The following TMEM63C variants were observed in gnomAD, a reference collection of about 807,000 sequenced individuals.
The protein encoded by TMEM63C is transmembrane protein 63C.
Under a neutral mutation model 99.2 loss-of-function variants are expected in TMEM63C, and 32 were observed. That is an observed-to-expected ratio of 0.32 (90% CI 0.24 to 0.43). TMEM63C has a LOEUF of 0.43. Ranked by LOEUF, TMEM63C falls within the 20% of genes least tolerant of loss-of-function variation. TMEM63C has a pLI of 1.00. For missense variants in TMEM63C, 826 were observed against 1,053.0 expected, an observed-to-expected ratio of 0.78 and a Z score of 2.98; for synonymous variants, 376 against 397.9, an observed-to-expected ratio of 0.94 and a Z score of 0.66.
At chr14:77,214,253 G>T (rs1349463985) in intron 2 of TMEM63C, among the ~76,000 whole-genome samples, 1 of 152,114 alleles carries the variant, frequency 6.6e-6, no homozygotes, top group Non-Finnish European at 1.5e-5. Flanking sequence ...GGTACTAATG[G>T]CTGTTGCCAT....
At chr14:77,226,957 G>A (rs868149104) in intron 6 of TMEM63C, among the ~76,000 whole-genome samples, 50 of 151,946 alleles carry the variant, frequency 3.3e-4, no homozygotes, top group South Asian at 2.1e-4. Context: ...TAGTAGAGAC[G>A]GGGTTTCACC....
intron 1 of TMEM63C, among the ~76,000 whole-genome samples, chr14:77,182,123 C>T (rs542172225): frequency 6.6e-6 from 1 of 152,096 alleles, no homozygotes; most frequent in Non-Finnish European, 1.5e-5. Context: ...AGCCGCCCAC[C>T]CGGGAGGGCG....
At chr14:77,220,747 C>A (rs978595995) in intron 5 of TMEM63C, among the ~76,000 whole-genome samples, 2 of 151,900 alleles carry the variant, frequency 1.3e-5, no homozygotes, top group African/African-American at 4.8e-5. Context: ...GACATTTCGG[C>A]GGGGCCCTGA....
At chr14:77,214,503 G>T (rs1888547654) in intron 2 of TMEM63C, among the ~76,000 whole-genome samples, 1 of 151,936 alleles carries the variant, frequency 6.6e-6, no homozygotes, top group Non-Finnish European at 1.5e-5. Context: ...CACTGGCCTG[G>T]GGATGGAGAC....
intron 18 of TMEM63C, among the ~76,000 whole-genome samples, 186 bp downstream of exon 18, chr14:77,246,860 C>T (rs1889277072): frequency 1.3e-5 from 2 of 152,188 alleles, no homozygotes; most frequent in African/African-American, 4.8e-5. Flanking sequence ...TAGTTAAGCC[C>T]AGGGACCCCT....
chr14:77,219,966 C>T (rs2140109297), intron 4 of TMEM63C, 40 bp from the exon 5 acceptor site: 1 of 1,543,768 alleles, frequency 6.5e-7, no homozygotes, highest in African/African-American at 1.4e-5. Flanking sequence ...GAGAACTTTT[C>T]TCTCCTTTCT....
At chr14:77,223,226 C>CA (rs1416278891) in intron 5 of TMEM63C, among the ~76,000 whole-genome samples, 2 of 151,652 alleles carry the variant, frequency 1.3e-5, no homozygotes, top group African/African-American at 4.8e-5. Context: ...GTTACAATGA[C>CA]AAAAAAAGTT....
At chr14:77,218,992 C>G (rs1828608717) in intron 3 of TMEM63C, 29 bp downstream of exon 3, 1 of 1,513,088 alleles carries the variant, frequency 6.6e-7, no homozygotes, top group Non-Finnish European at 8.8e-7. Context: ...AGGAGGCAGA[C>G]AGTAAAGCCT....
intron 6 of TMEM63C, among the ~76,000 whole-genome samples, chr14:77,225,853 G>A (rs377244719): frequency 3.6e-4 from 54 of 152,014 alleles, no homozygotes; most frequent in African/African-American, 1.2e-3. Flanking sequence ...AGCAAACATC[G>A]GGCAGAAGGG....
chr14:77,231,598 C>T lies in TMEM63C; in HGVS notation c.361C>T (p.Leu121=). Residue 121 remains leucine, a synonymous_variant, in exon 7 of 24, where the codon CTG becomes TTG. Transcript: ENST00000298351. ...GTGTGTCTCTTCCAGGGACGAGGAT[C>T]TGATTAACAAGTGTGGGGACGACGC... ...FNSITMKDED[L]INKCGDDARI... 6.4e-7 allele frequency: 1 copy of T among 1,551,630 alleles called. No individual in the cohort carries two copies. The highest frequency in any genetic ancestry group is 8.7e-7 in the Non-Finnish European group (1 of 1,146,986).
chr14:77,215,600 C>CAAAAAAA (rs796730995), intron 2 of TMEM63C, among the ~76,000 whole-genome samples: 3 of 82,410 alleles, frequency 3.6e-5, no homozygotes, highest in Admixed American at 2.8e-4. Flanking sequence ...GACTCTGTCT[C>CAAAAAAA]AAAAAAAAAA....
intron 6 of TMEM63C, among the ~76,000 whole-genome samples, chr14:77,229,633 G>A (rs28735199): frequency 1.8e-3 from 219 of 120,574 alleles, no homozygotes; most frequent in Non-Finnish European, 2.9e-3. Context: ...TATATATATA[G>A]TAGAGATGGG....
chr14:77,217,706 G>A (rs1415763294), intron 2 of TMEM63C, among the ~76,000 whole-genome samples: 1 of 152,172 alleles, frequency 6.6e-6, no homozygotes, highest in Non-Finnish European at 1.5e-5. Flanking sequence ...GTGATGCCAG[G>A]GACGGCAGGC....
rs765520605 is a variant in TMEM63C, at chr14:77,248,799, G to A, written c.1797G>A (p.Glu599=). The part of the protein sequence containing the change: ...NQAIDFQFGR[E]YAWMMNVFSV... Reference sequence around the variant, plus strand: ...CCATAGACTTCCAGTTTGGGCGTGAGTATGCGTGGATGATGAACGTGTTCA... The same window carrying A: ...CCATAGACTTCCAGTTTGGGCGTGAATATGCGTGGATGATGAACGTGTTCA... Residue 599 remains glutamate, a synonymous_variant, in exon 20 of 24, where the codon GAG becomes GAA. Transcript: ENST00000298351. 7 of 1,614,070 alleles carry A rather than the reference G, an allele frequency of 4.3e-6. No individual in the cohort carries two copies. In the Admixed American group the frequency reaches 1.2e-4, roughly 27 times the overall value.
chr14:77,233,440 T>C lies in TMEM63C; in HGVS notation c.494-12T>C. 6.2e-7 allele frequency: 1 copy of C among 1,612,828 alleles called. No homozygotes were observed. Among genetic ancestry groups the C allele is most frequent in the Non-Finnish European group, 8.5e-7 (1 of 1,179,480 alleles). ...AGCCAGGCTCGAGGTCAGCAACTTC[T>C]TTCTCTTTCAGACTGGAGCAGTCAC... On this transcript the variant is annotated splice_polypyrimidine_tract_variant and intron_variant, in intron 7 of 23. Coordinates refer to ENST00000298351, the MANE Select transcript of TMEM63C (RefSeq NM_020431.4).
At chr14:77,192,785 C>T (rs1032501346) in intron 1 of TMEM63C, among the ~76,000 whole-genome samples, 10 of 136,746 alleles carry the variant, frequency 7.3e-5, no homozygotes, top group South Asian at 4.7e-4. Flanking sequence ...AAGACAAAGA[C>T]GAAGGAGGAG....
intron 9 of TMEM63C, among the ~76,000 whole-genome samples, chr14:77,237,424 CCCAGGAAAGG>C (rs897717529): frequency 2.1e-4 from 32 of 152,190 alleles, no homozygotes; most frequent in African/African-American, 7.5e-4. Context: ...GGGAGGTGAT[CCCAGGAAAGG>C]CCAGTAAGGG....
chr14:77,202,473 GT>G (rs752545918), intron 1 of TMEM63C, among the ~76,000 whole-genome samples: 4 of 152,158 alleles, frequency 2.6e-5, no homozygotes, highest in Non-Finnish European at 5.9e-5. Flanking sequence ...TGAAATCAAG[GT>G]GTCAGCAGGG....
At chr14:77,249,006 G>A in intron 20 of TMEM63C, 134 bp downstream of exon 20, 2 of 897,698 alleles carry the variant, frequency 2.2e-6, no homozygotes, top group South Asian at 2.8e-5. Flanking sequence ...CCAGGGCCAA[G>A]CTGGGGGTAC....
Sources: gnomAD v4.1 joint callset for allele counts (sites outside exome capture counted in the v4.1 genomes callset) on GRCh38, gnomAD v4.1.1 for gene constraint, MANE v1.5 for transcripts, NCBI Gene and HGNC (gene_info 2026-07-23, HGNC 2026-07-21) for gene names.